Variants in MEOX2 observed in about 807,000 individuals in gnomAD.
The protein encoded by MEOX2 is homeobox protein MOX-2.
A neutral mutation model predicts 27.0 loss-of-function variants in MEOX2; 11 were observed. That is an observed-to-expected ratio of 0.41 (90% confidence interval 0.26 to 0.68). The LOEUF is 0.68. Among genes scored for constraint, MEOX2 ranks in the 30% least tolerant of loss-of-function variants. The pLI, the probability that MEOX2 is intolerant of heterozygous loss-of-function variation, is 0.33. For synonymous variants in MEOX2, 189 were observed against 155.4 expected, an observed-to-expected ratio of 1.22 and a Z score of -1.61; for missense variants, 436 against 385.4, an observed-to-expected ratio of 1.13 and a Z score of -1.10.
intron 1 of MEOX2, among the ~76,000 whole-genome samples, chr7:15,682,544 T>C (rs1326412353): frequency 6.6e-6 from 1 of 151,918 alleles, no homozygotes. Flanking sequence ...GCTCTTTTCT[T>C]TTTTGATGTA....
chr7:15,644,646 T>A (rs1208061198), intron 1 of MEOX2, among the ~76,000 whole-genome samples: 1 of 152,176 alleles, frequency 6.6e-6, no homozygotes, highest in African/African-American at 2.4e-5. Context: ...ATTTGGATAG[T>A]GGCAGAACCC....
At chr7:15,626,954 A>G in intron 1 of MEOX2, 36 bp from the exon 2 acceptor site, 2 of 1,582,510 alleles carry the variant, frequency 1.3e-6, no homozygotes, top group East Asian at 2.2e-5. Context: ...GTAATAACTC[A>G]TTTATTCAAA....
chr7:15,631,321 T>G (rs1562599107), intron 1 of MEOX2, among the ~76,000 whole-genome samples: 1 of 152,024 alleles, frequency 6.6e-6, no homozygotes, highest in Non-Finnish European at 1.5e-5. Flanking sequence ...GCTCAATATC[T>G]TGATTATTCT....
intron 1 of MEOX2, among the ~76,000 whole-genome samples, chr7:15,657,966 G>A (rs1258958643): frequency 7.2e-5 from 11 of 152,230 alleles, no homozygotes; most frequent in African/African-American, 2.4e-4. Context: ...TACATCAAAA[G>A]TGGAGAAGGT....
chr7:15,665,070 CACACACACACACACAA>C (rs1365367611), intron 1 of MEOX2, among the ~76,000 whole-genome samples: 1 of 151,762 alleles, frequency 6.6e-6, no homozygotes, highest in Non-Finnish European at 1.5e-5. Context: ...CACACACACA[CACACACACACACACAA>C]AGCCTCTACT....
chr7:15,629,286 A>G (rs1007706447), intron 1 of MEOX2, among the ~76,000 whole-genome samples: 6 of 152,086 alleles, frequency 3.9e-5, no homozygotes, highest in African/African-American at 1.4e-4. Flanking sequence ...AATTCTCAGA[A>G]GGACACTCAC....
chr7:15,678,173 T>C (rs1782232387), intron 1 of MEOX2, among the ~76,000 whole-genome samples: 1 of 152,182 alleles, frequency 6.6e-6, no homozygotes, highest in African/African-American at 2.4e-5. Context: ...CTGTTTATAC[T>C]TCAAATAAGA....
chr7:15,676,566 C>T (rs1035317055), intron 1 of MEOX2, among the ~76,000 whole-genome samples: 2 of 152,082 alleles, frequency 1.3e-5, no homozygotes, highest in Non-Finnish European at 2.9e-5. Context: ...CCTCTGTACA[C>T]TCCTTTTAAA....
intron 2 of MEOX2, among the ~76,000 whole-genome samples, chr7:15,621,016 T>C (rs1239529614): frequency 6.6e-6 from 1 of 152,220 alleles, no homozygotes; most frequent in East Asian, 1.9e-4. Flanking sequence ...CACTGTGAGA[T>C]ATTAAAAATC....
At chr7:15,653,402 G>A (rs1781770683) in intron 1 of MEOX2, among the ~76,000 whole-genome samples, 1 of 151,728 alleles carries the variant, frequency 6.6e-6, no homozygotes, top group South Asian at 2.1e-4. Flanking sequence ...ATGTGGTTTG[G>A]TAACATGTTC....
At chr7:15,621,465 G>A (rs949467245) in intron 2 of MEOX2, among the ~76,000 whole-genome samples, 1 of 152,148 alleles carries the variant, frequency 6.6e-6, no homozygotes, top group African/African-American at 2.4e-5. Context: ...ATTGCATTAT[G>A]GAAGATGCAA....
At chr7:15,624,916 G>C (rs556226698) in intron 2 of MEOX2, among the ~76,000 whole-genome samples, 1 of 152,120 alleles carries the variant, frequency 6.6e-6, no homozygotes, top group Non-Finnish European at 1.5e-5. Context: ...AAGTCAGTTA[G>C]AAAGAAGAAA....
chr7:15,613,596 T>G (rs533888946), intron 2 of MEOX2, among the ~76,000 whole-genome samples: 2 of 152,248 alleles, frequency 1.3e-5, no homozygotes, highest in Admixed American at 6.5e-5. Context: ...GCCTGAATTT[T>G]GTGTGTCACC....
chr7:15,673,041 G>T (rs1782129009), intron 1 of MEOX2, among the ~76,000 whole-genome samples: 1 of 152,150 alleles, frequency 6.6e-6, no homozygotes, highest in Admixed American at 6.5e-5. Context: ...TAAAAGCCTG[G>T]AACCAAGACC....
intron 1 of MEOX2, among the ~76,000 whole-genome samples, chr7:15,683,496 A>C (rs1025101434): frequency 1.2e-4 from 18 of 152,130 alleles, no homozygotes; most frequent in African/African-American, 4.3e-4. Flanking sequence ...ATACGTATTA[A>C]TAGCATACCA....
chr7:15,627,057 C>A (rs1038772111), intron 1 of MEOX2, 139 bp from the exon 2 acceptor site: 3 of 681,982 alleles, frequency 4.4e-6, no homozygotes, highest in African/African-American at 1.8e-5. Flanking sequence ...GACAGCAAGA[C>A]TGACGGCAGC....
At chr7:15,614,292 T>C (rs966798301) in intron 2 of MEOX2, among the ~76,000 whole-genome samples, 5 of 151,896 alleles carry the variant, frequency 3.3e-5, no homozygotes, top group African/African-American at 9.7e-5. Flanking sequence ...ATAGTGCCTG[T>C]AGTCCCAGCT....
Position 15,643,751 on chromosome 7 carries a change from A to C in MEOX2, c.518-16833T>G, listed in dbSNP as rs114802803. The stretch of plus-strand genomic sequence containing the variant: ...CTGTGCCCCTAAACAAACCTGTGCC[A>C]CACTCTTCTCTGTTTTCTAACAATG... On this transcript the variant is annotated intron_variant, in intron 1 of 2. Transcript: ENST00000262041. 5.3e-3 allele frequency among the ~76,000 whole-genome samples: 811 copies of C among 152,274 alleles called. 10 individuals are homozygous for C. The highest frequency in any genetic ancestry group is 0.018 in the African/African-American group (761 of 41,566).
chr7:15,640,980 T>G (rs1162907435), intron 1 of MEOX2, among the ~76,000 whole-genome samples: 1 of 152,120 alleles, frequency 6.6e-6, no homozygotes, highest in Non-Finnish European at 1.5e-5. Flanking sequence ...TATTGGCTTA[T>G]GATTTTATTT....
Sources: allele counts gnomAD v4.1 joint callset (sites outside exome capture counted in the v4.1 genomes callset), GRCh38; gene constraint gnomAD v4.1.1; transcripts MANE v1.5; gene names NCBI Gene and HGNC (gene_info 2026-07-23, HGNC 2026-07-21).